DIP2C: variants seen among roughly 807,000 people sequenced by gnomAD.
DIP2C encodes the protein DIP2 acetate--CoA ligase C (putative), also known as disco-interacting protein 2 homolog C.
In DIP2C, 33 loss-of-function variants were observed where a neutral mutation model predicts 192.4. That is an observed-to-expected ratio of 0.17 (90% CI 0.13 to 0.23). The LOEUF (loss-of-function observed/expected upper bound fraction) is 0.23. Ranked by LOEUF, DIP2C falls within the 10% of genes least tolerant of loss-of-function variation. DIP2C has a pLI of 1.00. For synonymous variants in DIP2C, 979 were observed against 864.1 expected (o/e 1.13, Z -2.33); for missense variants, 1,537 against 2,110.1 (o/e 0.73, Z 5.32).
At chr10:533,771 G>T (rs1422291361) in intron 1 of DIP2C, among the ~76,000 whole-genome samples, 7 of 152,032 alleles carry the variant, frequency 4.6e-5, no homozygotes, top group Non-Finnish European at 8.8e-5. Flanking sequence ...TCTGCTTAGT[G>T]ACGGGCACCT....
At chr10:554,122 A>G (rs1848724517) in intron 1 of DIP2C, among the ~76,000 whole-genome samples, 4 of 152,264 alleles carry the variant, frequency 2.6e-5, no homozygotes, top group Admixed American at 2.0e-4. Flanking sequence ...CAGGCAGGAA[A>G]TATACATCTT....
At chr10:672,376 G>C (rs907406515) in intron 1 of DIP2C, among the ~76,000 whole-genome samples, 1 of 152,226 alleles carries the variant, frequency 6.6e-6, no homozygotes, top group African/African-American at 2.4e-5. Flanking sequence ...TGGAACATCG[G>C]ACAGGAACGT....
intron 32 of DIP2C, among the ~76,000 whole-genome samples, chr10:307,180 C>G (rs138015916): frequency 6.6e-6 from 1 of 152,278 alleles, no homozygotes; most frequent in Non-Finnish European, 1.5e-5. Context: ...AACTGTGTGC[C>G]AAATACACTT....
rs569932169 is a variant in DIP2C, at chr10:370,330, G to A, written c.1992-697C>T. On this transcript the variant is annotated intron_variant, in intron 17 of 36. Coordinates refer to ENST00000280886, the MANE Select transcript of DIP2C (RefSeq NM_014974.3). ...TGGGGCCCACCCCACCTCCTCTGCC[G>A]GACACCCCAGCTTGCTCCCGCCTTG... is the stretch of plus-strand genomic sequence containing the variant. 3.6e-4 allele frequency among the ~76,000 whole-genome samples: 55 copies of A among 152,248 alleles called. 1 individual carries two copies. The South Asian group carries it at 1.0e-2, about 28-fold the overall frequency.
intron 1 of DIP2C, among the ~76,000 whole-genome samples, chr10:608,172 CCACACACACCCCA>C (rs1181038396): frequency 4.2e-5 from 2 of 47,232 alleles, no homozygotes; most frequent in Non-Finnish European, 6.5e-5. Context: ...ACAGCCCCCC[CCACACACACCCCA>C]CACACACAGC....
At chr10:518,022 T>C (rs1051715142) in intron 1 of DIP2C, among the ~76,000 whole-genome samples, 1 of 152,198 alleles carries the variant, frequency 6.6e-6, no homozygotes, top group Non-Finnish European at 1.5e-5. Flanking sequence ...GGCAGTTTGG[T>C]GGGGTGGGCG....
intron 1 of DIP2C, among the ~76,000 whole-genome samples, chr10:517,011 G>T (rs1318783721): frequency 6.6e-6 from 1 of 151,698 alleles, no homozygotes; most frequent in Non-Finnish European, 1.5e-5. Context: ...AGGCCCATCA[G>T]GGGCTTCCTC....
intron 1 of DIP2C, among the ~76,000 whole-genome samples, chr10:674,208 C>CA (rs1269747535): frequency 2.0e-5 from 3 of 152,144 alleles, no homozygotes; most frequent in Non-Finnish European, 4.4e-5. Context: ...ATGCTGCCTA[C>CA]AAAAAACTCA....
chr10:384,543 C>A lies in DIP2C; in HGVS notation c.1756+3G>T, dbSNP rs1962703156. 6.2e-7 allele frequency: 1 copy of A among 1,613,572 alleles called. No homozygotes were observed. The highest frequency in any genetic ancestry group is 8.5e-7 in the Non-Finnish European group (1 of 1,180,002). ...GTGAGCCACTGCGCCCGGCGAGACC[C>A]ACCTTTGTACTGGCAGACCTTCTGG... On this transcript the variant is annotated splice_donor_region_variant and intron_variant, in intron 15 of 36. Coordinates refer to ENST00000280886, the MANE Select transcript of DIP2C (RefSeq NM_014974.3).
At chr10:601,533 C>G (rs977422086) in intron 1 of DIP2C, among the ~76,000 whole-genome samples, 8 of 152,346 alleles carry the variant, frequency 5.3e-5, no homozygotes, top group African/African-American at 1.9e-4. Flanking sequence ...CATTCCCAGA[C>G]TCCAGGGCAC....
At chr10:571,560 T>TCA (rs1849815788) in intron 1 of DIP2C, among the ~76,000 whole-genome samples, 1 of 151,526 alleles carries the variant, frequency 6.6e-6, no homozygotes, top group Non-Finnish European at 1.5e-5. Context: ...CTCACCTTCC[T>TCA]CACTGCACTT....
At chr10:688,789 A>G (rs941217250) in intron 1 of DIP2C, among the ~76,000 whole-genome samples, 3 of 152,332 alleles carry the variant, frequency 2.0e-5, no homozygotes, top group African/African-American at 7.2e-5. Flanking sequence ...ATCTGCCACA[A>G]ACCCTCCTAC....
chr10:623,710 TGAGGGGAG>T (rs1330893644), intron 1 of DIP2C, among the ~76,000 whole-genome samples: 10 of 48,086 alleles, frequency 2.1e-4, no homozygotes, highest in East Asian at 1.4e-3. Flanking sequence ...GGCCGAGGGC[TGAGGGGAG>T]GAGGGGAGGA....
At chr10:312,820 AAAT>A (rs1225335124) in intron 31 of DIP2C, among the ~76,000 whole-genome samples, 1 of 152,228 alleles carries the variant, frequency 6.6e-6, no homozygotes, top group Non-Finnish European at 1.5e-5. Context: ...GCAATGATTT[AAAT>A]AATTTCTTTC....
intron 21 of DIP2C, 67 bp from the exon 22 acceptor site, chr10:362,758 G>A (rs891119951): frequency 3.8e-5 from 56 of 1,486,632 alleles, no homozygotes; most frequent in Admixed American, 2.2e-4. Flanking sequence ...TTTATATTAT[G>A]CAAAATATGA....
chr10:342,861 A>G (rs1474672087), intron 28 of DIP2C, among the ~76,000 whole-genome samples: 2 of 152,238 alleles, frequency 1.3e-5, no homozygotes, highest in African/African-American at 2.4e-5. Flanking sequence ...GTCTGTGTGT[A>G]ATGTCAATTA....
At chr10:519,553 G>C (rs1432415556) in intron 1 of DIP2C, among the ~76,000 whole-genome samples, 3 of 152,178 alleles carry the variant, frequency 2.0e-5, no homozygotes, top group African/African-American at 7.2e-5. Context: ...CACAGGCCTG[G>C]GTCCCCCCAG....
At chr10:580,939 G>A (rs1850607131) in intron 1 of DIP2C, among the ~76,000 whole-genome samples, 1 of 151,506 alleles carries the variant, frequency 6.6e-6, no homozygotes, top group Non-Finnish European at 1.5e-5. Context: ...AATTAGAAGT[G>A]TGTCCTCATG....
intron 1 of DIP2C, among the ~76,000 whole-genome samples, chr10:678,138 C>G (rs1407723210): frequency 3.3e-5 from 5 of 152,192 alleles, no homozygotes; most frequent in Admixed American, 3.3e-4. Flanking sequence ...TGGGGAAAGT[C>G]CCAGCAGACA....
Sources: allele counts gnomAD v4.1 joint callset (sites outside exome capture counted in the v4.1 genomes callset), GRCh38; gene constraint gnomAD v4.1.1; transcripts MANE v1.5; gene names NCBI Gene and HGNC (gene_info 2026-07-23, HGNC 2026-07-21).